NUCKS1: variants seen among roughly 807,000 people sequenced by gnomAD.
NUCKS1 encodes the protein nuclear ubiquitous casein and cyclin-dependent kinase substrate 1.
NUCKS1 carries 2 observed loss-of-function variants against 33.0 expected under a neutral mutation model. The ratio of observed to expected loss-of-function variants is 0.06; its 90% CI spans 0.02 to 0.19. NUCKS1 has a LOEUF of 0.19. Among genes scored for constraint, NUCKS1 ranks in the 10% least tolerant of loss-of-function variants. NUCKS1 has a pLI of 1.00. For synonymous variants in NUCKS1, 106 were observed against 102.8 expected, an observed-to-expected ratio of 1.03 and a Z score of -0.19; for missense variants, 201 against 293.6, an observed-to-expected ratio of 0.68 and a Z score of 2.31.
chr1:205,723,669 C>G (rs1316335771), intron 4 of NUCKS1, among the ~76,000 whole-genome samples: 1 of 151,996 alleles, frequency 6.6e-6, no homozygotes, highest in African/African-American at 2.4e-5. Flanking sequence ...TAAAGAAAAC[C>G]AAGCCCCAAC....
Position 205,715,097 on chromosome 1 carries a change from A to C in NUCKS1, c.*3183T>G, listed in dbSNP as rs1357499939. On this transcript the variant is annotated 3_prime_UTR_variant, in exon 7 of 7. Transcript: ENST00000367142. ...TGTTCACAGATAAAAAAGCCATTAA[A>C]AAAAAGAGTCAAGTTTAGTCTAGCT... The C allele has an allele frequency of 6.6e-6, 1 of 152,210 alleles. No homozygotes were observed. The highest frequency in any genetic ancestry group is 1.9e-4 in the East Asian group (1 of 5,204). The allele number at this position is 152,210 out of a possible 1,614,324, so 9.4% of individuals were successfully genotyped here.
At chr1:205,746,441 TCTC>T (rs1654329081) in intron 1 of NUCKS1, among the ~76,000 whole-genome samples, 1 of 40,712 alleles carries the variant, frequency 2.5e-5, no homozygotes, top group Non-Finnish European at 6.7e-5. Context: ...CTCACTTCTC[TCTC>T]TCTCTCTCTC....
At chr1:205,748,715 GT>G (rs1654393267) in intron 1 of NUCKS1, among the ~76,000 whole-genome samples, 2 of 152,146 alleles carry the variant, frequency 1.3e-5, no homozygotes, top group South Asian at 4.1e-4. Context: ...CCTTGCCAGG[GT>G]CCCAAACCTC....
Position 205,715,389 on chromosome 1 carries a change from T to C in NUCKS1, c.*2891A>G, listed in dbSNP as rs1671805303. On this transcript the variant is annotated 3_prime_UTR_variant, in exon 7 of 7. Transcript: ENST00000367142. ...GGAAACACCCATTAATTTTCCCTTA[T>C]GGAATCAATATGGAGTGGAAATATG... 6.6e-6 allele frequency: 1 copy of C among 152,240 alleles called. No homozygotes were observed. Among genetic ancestry groups the C allele is most frequent in the Non-Finnish European group, 1.5e-5 (1 of 68,052 alleles). 9.4% of individuals were successfully genotyped at this position (152,240 alleles called of 1,614,324 possible).
intron 6 of NUCKS1, 66 bp downstream of exon 6, chr1:205,719,461 T>C: frequency 1.3e-6 from 2 of 1,486,840 alleles, no homozygotes; most frequent in Admixed American, 4.2e-5. Context: ...GGAATTTCTG[T>C]ATTGAAAATA....
intron 2 of NUCKS1, 86 bp from the exon 3 acceptor site, chr1:205,727,891 GC>G (rs1653816387): frequency 4.4e-6 from 4 of 919,026 alleles, no homozygotes; most frequent in Non-Finnish European, 3.4e-6. Flanking sequence ...TATCTCTCAT[GC>G]TGTTTAAATG....
At chr1:205,732,610 G>A (rs913230856) in intron 1 of NUCKS1, among the ~76,000 whole-genome samples, 16 of 151,826 alleles carry the variant, frequency 1.1e-4, no homozygotes, top group African/African-American at 3.1e-4. Context: ...GTGAAAACCC[G>A]TCTCTAGTAA....
At chr1:205,729,303 A>G (rs1653852662) in intron 2 of NUCKS1, among the ~76,000 whole-genome samples, 2 of 152,178 alleles carry the variant, frequency 1.3e-5, no homozygotes, top group Admixed American at 1.3e-4. Flanking sequence ...TGAACACTGT[A>G]TCAGAATTAC....
At position 205,717,770 on chromosome 1, in the gene NUCKS1, A is replaced by G. The variant is rs1671848793; in HGVS notation, c.*510T>C. 1 of 985,066 alleles carries G rather than the reference A, an allele frequency of 1.0e-6. No homozygotes were observed. Among genetic ancestry groups the G allele is most frequent in the Non-Finnish European group, 1.2e-6 (1 of 829,724 alleles). 61.0% of individuals were successfully genotyped at this position (985,066 alleles called of 1,614,324 possible). ...TGATACTTGTGTCTATAGACAAATA[A>G]ACTCATATTAGATGACAATTGATTT... On this transcript the variant is annotated 3_prime_UTR_variant, in exon 7 of 7. Transcript: ENST00000367142.
intron 4 of NUCKS1, among the ~76,000 whole-genome samples, chr1:205,721,876 G>C (rs1368147393): frequency 6.6e-6 from 1 of 151,954 alleles, no homozygotes; most frequent in Non-Finnish European, 1.5e-5. Context: ...GTTTCACCAT[G>C]TTGGTCAGGC....
At chr1:205,741,450 G>C (rs1654172208) in intron 1 of NUCKS1, among the ~76,000 whole-genome samples, 1 of 152,260 alleles carries the variant, frequency 6.6e-6, no homozygotes, top group African/African-American at 2.4e-5. Flanking sequence ...ACTGGGGACA[G>C]AGAAACCTCT....
intron 1 of NUCKS1, among the ~76,000 whole-genome samples, chr1:205,737,614 T>C (rs1654063280): frequency 6.6e-6 from 1 of 152,262 alleles, no homozygotes; most frequent in Admixed American, 6.5e-5. Context: ...AAAATCCTTG[T>C]TGAAATAAAA....
Position 205,729,608 on chromosome 1 carries a change from C to T in NUCKS1, c.31G>A (p.Val11Ile), listed in dbSNP as rs758654141. The T allele has an allele frequency of 3.1e-6, 5 of 1,611,590 alleles. No homozygotes were observed. In the South Asian group the frequency reaches 4.4e-5, roughly 14 times the overall value. The change falls in exon 2 of 7, where the codon GTT becomes ATT. Residue 11 changes from valine (V) to isoleucine (I), a missense_variant. Transcript: ENST00000367142. MSRPVRNRKV[V>I]DYSQFQESDD... ...GATTCCTGAAACTGTGAGTAATCAA[C>T]AACCTTCCTATTTCTGTAGAAAGAA...
intron 4 of NUCKS1, among the ~76,000 whole-genome samples, chr1:205,720,921 T>A (rs543397056): frequency 1.3e-5 from 2 of 152,298 alleles, no homozygotes; most frequent in South Asian, 4.1e-4. Context: ...TGGAATACTA[T>A]GCAGCCATAA....
chr1:205,714,510 T>G lies in NUCKS1; in HGVS notation c.*3770A>C, dbSNP rs1004766640. On this transcript the variant is annotated 3_prime_UTR_variant, in exon 7 of 7. Coordinates refer to ENST00000367142, the MANE Select transcript of NUCKS1 (RefSeq NM_022731.5). ...ATTTTGTGAATTTGAAAAAAAAAAG[T>G]GTAATTTATGGATTCAGGATTCAAA... The G allele has an allele frequency of 6.6e-6, 1 of 151,228 alleles. No homozygotes were observed. Among genetic ancestry groups the G allele is most frequent in the African/African-American group, 2.4e-5 (1 of 41,148 alleles). The allele number at this position is 151,228 out of a possible 1,614,324, so 9.4% of individuals were successfully genotyped here. A position where few individuals can be genotyped will look rare whatever the true frequency, so the allele number is the denominator to read the frequency against.
Position 205,718,475 on chromosome 1 carries a change from C to A in NUCKS1, c.537G>T (p.Thr179=), listed in dbSNP as rs140739406. The change falls in exon 7 of 7, where the codon ACG becomes ACT. Residue 179 remains threonine (T), a synonymous_variant. Transcript: ENST00000367142. ...MPKPRLKATV[T]PSPVKGKGKV... ...TCCCTTTGCCTTTCACTGGACTTGG[C>A]GTCACTGAAAATAGAAAAATAATTT... 1 of 1,607,576 alleles carries A rather than the reference C, an allele frequency of 6.2e-7. No individual in the cohort carries two copies. The highest frequency in any genetic ancestry group is 1.3e-5 in the African/African-American group (1 of 74,478).
In NUCKS1 at chr1:205,724,555, G is replaced by A. The variant is rs113360337; in HGVS notation, c.174-574C>T. ...CTAAAAATACAAATATTAGCCAGGC[G>A]TGGTGGTGCATGGTTGTAATCTCAG... On this transcript the variant is annotated intron_variant, in intron 3 of 6. Coordinates refer to ENST00000367142, the MANE Select transcript of NUCKS1 (RefSeq NM_022731.5). Among the ~76,000 whole-genome samples, 719 of 152,142 alleles carry A rather than the reference G, an allele frequency of 4.7e-3. 5 individuals carry two copies. The highest frequency in any genetic ancestry group is 0.016 in the African/African-American group (682 of 41,510).
chr1:205,747,181 G>A (rs1654353338), intron 1 of NUCKS1, among the ~76,000 whole-genome samples: 1 of 147,842 alleles, frequency 6.8e-6, no homozygotes, highest in Non-Finnish European at 1.5e-5. Flanking sequence ...GACCAGAATT[G>A]GGAATTGGGA....
chr1:205,721,275 A>AT (rs34455896), intron 4 of NUCKS1, among the ~76,000 whole-genome samples: 2,590 of 152,028 alleles, frequency 0.017, 56 homozygotes, highest in African/African-American at 0.045. Flanking sequence ...ATCCCACAAC[A>AT]TAAAAAAAAA....
Sources: gnomAD v4.1 joint callset for allele counts (sites outside exome capture counted in the v4.1 genomes callset) on GRCh38, gnomAD v4.1.1 for gene constraint, MANE v1.5 for transcripts, NCBI Gene and HGNC (gene_info 2026-07-23, HGNC 2026-07-21) for gene names.